SORCS3: variants seen among roughly 807,000 people sequenced by gnomAD.
SORCS3 encodes VPS10 domain-containing receptor SorCS3.
Under a neutral mutation model 146.3 loss-of-function variants are expected in SORCS3, and 57 were observed. That is an observed-to-expected ratio of 0.39 (90% CI 0.31 to 0.49). SORCS3 has a LOEUF of 0.49. Among genes scored for constraint, SORCS3 ranks in the 20% least tolerant of loss-of-function variants. SORCS3 has a pLI of 0.92. For synonymous variants in SORCS3, 653 were observed against 618.5 expected (o/e 1.06, Z -0.83); for missense variants, 1,341 against 1,575.5 (o/e 0.85, Z 2.52).
At chr10:104,943,770 GA>G (rs934117364) in intron 3 of SORCS3, among the ~76,000 whole-genome samples, 6 of 151,800 alleles carry the variant, frequency 4.0e-5, no homozygotes, top group Non-Finnish European at 7.4e-5. Flanking sequence ...GAGAATCTTG[GA>G]AAAAAAAGTT....
intron 3 of SORCS3, among the ~76,000 whole-genome samples, chr10:104,963,653 C>T (rs769489260): frequency 3.3e-5 from 5 of 152,078 alleles, no homozygotes; most frequent in Non-Finnish European, 5.9e-5. Context: ...ATCTGCAGGC[C>T]AGCCCTCTCC....
chr10:104,690,469 A>T (rs1250220091), intron 1 of SORCS3, among the ~76,000 whole-genome samples: 1 of 152,198 alleles, frequency 6.6e-6, no homozygotes, highest in African/African-American at 2.4e-5. Flanking sequence ...TGGAGAAGAA[A>T]TGCTTTGCCC....
At chr10:104,719,988 T>TA (rs1175551001) in intron 1 of SORCS3, among the ~76,000 whole-genome samples, 9 of 145,258 alleles carry the variant, frequency 6.2e-5, no homozygotes, top group East Asian at 3.9e-4. Flanking sequence ...GTTTTTTTTT[T>TA]TTTATACTTT....
chr10:105,029,067 T>C (rs1276450989), intron 4 of SORCS3, among the ~76,000 whole-genome samples: 1 of 152,224 alleles, frequency 6.6e-6, no homozygotes, highest in Admixed American at 6.5e-5. Context: ...GGCCAACCTC[T>C]GCTTTAGATC....
intron 2 of SORCS3, among the ~76,000 whole-genome samples, chr10:104,896,016 A>AT (rs2018794177): frequency 1.3e-5 from 2 of 152,222 alleles, no homozygotes; most frequent in Non-Finnish European, 2.9e-5. Flanking sequence ...CCCTTTATAT[A>AT]CATATATAAA....
chr10:104,853,939 G>A (rs2018301657), intron 2 of SORCS3, among the ~76,000 whole-genome samples: 1 of 152,136 alleles, frequency 6.6e-6, no homozygotes, highest in Non-Finnish European at 1.5e-5. Context: ...CCTTGCAAGG[G>A]TTTTACCCCA....
chr10:105,221,934 A>G (rs1235459077), intron 19 of SORCS3, among the ~76,000 whole-genome samples: 1 of 152,100 alleles, frequency 6.6e-6, no homozygotes, highest in African/African-American at 2.4e-5. Context: ...AGACAGAAAT[A>G]TAGAAAGGAA....
intron 1 of SORCS3, among the ~76,000 whole-genome samples, chr10:104,645,804 A>T (rs1410419995): frequency 6.6e-6 from 1 of 152,176 alleles, no homozygotes; most frequent in African/African-American, 2.4e-5. Flanking sequence ...TAATGTGCAA[A>T]ATAGTGACAG....
intron 9 of SORCS3, among the ~76,000 whole-genome samples, chr10:105,151,249 G>C (rs1387903223): frequency 9.2e-5 from 14 of 152,198 alleles, no homozygotes; most frequent in Admixed American, 9.2e-4. Context: ...AGTCGAATGA[G>C]TAGGGATCCT....
rs143245175 is a variant in SORCS3 at position 104,807,716 on chromosome 10, CA to C, written c.628-35072del. ...CTTCTTGAATATGAGGGTGACAGCT[CA>C]AAAGCTAAAATCATTCTGTGGCTTC... is the stretch of plus-strand genomic sequence containing the variant. On this transcript the variant is annotated intron_variant, in intron 1 of 26. Transcript: ENST00000369701. 2.5e-4 allele frequency among the ~76,000 whole-genome samples: 38 copies of C among 152,268 alleles called. 2 individuals are homozygous for C. In the East Asian group the frequency reaches 7.4e-3, roughly 29 times the overall value.
At chr10:104,893,197 A>G (rs1375502476) in intron 2 of SORCS3, among the ~76,000 whole-genome samples, 4 of 152,250 alleles carry the variant, frequency 2.6e-5, no homozygotes, top group African/African-American at 9.6e-5. Context: ...TTTATTACTT[A>G]TAATTGACTT....
chr10:105,043,083 G>A lies in SORCS3; in HGVS notation c.983G>A (p.Arg328Gln), dbSNP rs140617490. Reference sequence around the variant, plus strand: ...TACAGCTCCATGGACTTTGGAAGACGGTGGCAACTCATGCATGAACGCATC... The same window carrying A: ...TACAGCTCCATGGACTTTGGAAGACAGTGGCAACTCATGCATGAACGCATC... ...KLYSSMDFGRRWQLMHERITP... is the reference protein window; with the variant it reads ...KLYSSMDFGRQWQLMHERITP... The change falls in exon 5 of 27, where the codon CGG becomes CAG. Residue 328 changes from arginine to glutamine, a missense_variant. Physicochemically the swap from Arg to Gln is conservative, Grantham distance 43. Transcript: ENST00000369701. 7.0e-5 allele frequency: 113 copies of A among 1,613,642 alleles called. No homozygotes were observed. Among genetic ancestry groups the A allele is most frequent in the Non-Finnish European group, 9.0e-5 (106 of 1,179,798 alleles).
intron 9 of SORCS3, among the ~76,000 whole-genome samples, chr10:105,149,317 C>T (rs970355602): frequency 5.3e-5 from 8 of 152,008 alleles, no homozygotes; most frequent in Admixed American, 1.3e-4. Flanking sequence ...GAATGTCATT[C>T]GGTAGAAAAC....
At chr10:105,244,936 G>A (rs1248634207) in intron 20 of SORCS3, among the ~76,000 whole-genome samples, 1 of 151,914 alleles carries the variant, frequency 6.6e-6, no homozygotes, top group African/African-American at 2.4e-5. Context: ...GAGTGTGGTG[G>A]CATACACCTG....
At chr10:105,140,494 C>T (rs551483746) in intron 8 of SORCS3, among the ~76,000 whole-genome samples, 25 of 152,070 alleles carry the variant, frequency 1.6e-4, no homozygotes, top group African/African-American at 4.3e-4. Flanking sequence ...GAATAAGCAA[C>T]GATAGGTATG....
chr10:105,049,418 A>C (rs2055396221), intron 5 of SORCS3, among the ~76,000 whole-genome samples: 1 of 152,036 alleles, frequency 6.6e-6, no homozygotes, highest in Non-Finnish European at 1.5e-5. Flanking sequence ...CAAGTATCAT[A>C]GCTTTTCTTA....
intron 4 of SORCS3, among the ~76,000 whole-genome samples, chr10:105,005,308 A>G (rs2055087739): frequency 6.6e-6 from 1 of 152,218 alleles, no homozygotes; most frequent in African/African-American, 2.4e-5. Context: ...CTGTATATAC[A>G]TAGAAACAAA....
intron 2 of SORCS3, among the ~76,000 whole-genome samples, chr10:104,900,879 G>T (rs994245622): frequency 4.5e-5 from 5 of 111,112 alleles, no homozygotes; most frequent in Middle Eastern, 8.3e-3. Flanking sequence ...GGGCGACAGA[G>T]CAAGACTCTA....
chr10:104,706,641 A>T (rs1183307599), intron 1 of SORCS3, among the ~76,000 whole-genome samples: 1 of 152,164 alleles, frequency 6.6e-6, no homozygotes, highest in African/African-American at 2.4e-5. Flanking sequence ...GGTGCGATGT[A>T]TGCATCAGTG....
Sources: allele counts gnomAD v4.1 joint callset (sites outside exome capture counted in the v4.1 genomes callset), GRCh38; gene constraint gnomAD v4.1.1; transcripts MANE v1.5; gene names NCBI Gene and HGNC (gene_info 2026-07-23, HGNC 2026-07-21).